Variants in DSCAM observed in about 807,000 individuals in gnomAD.
The protein encoded by DSCAM is cell adhesion molecule DSCAM.
A neutral mutation model predicts 217.7 loss-of-function variants in DSCAM; 47 were observed. The ratio of observed to expected loss-of-function variants is 0.22; its 90% CI spans 0.17 to 0.28. The LOEUF (loss-of-function observed/expected upper bound fraction) is 0.28. Among genes scored for constraint, DSCAM ranks in the 10% least tolerant of loss-of-function variants. The pLI, the probability that DSCAM is intolerant of heterozygous loss-of-function variation, is 1.00. For synonymous variants in DSCAM, 1,056 were observed against 1,015.3 expected, an observed-to-expected ratio of 1.04 and a Z score of -0.76; for missense variants, 2,080 against 2,618.3, an observed-to-expected ratio of 0.79 and a Z score of 4.49.
chr21:40,549,891 T>G (rs776074570), intron 3 of DSCAM, among the ~76,000 whole-genome samples: 12 of 152,168 alleles, frequency 7.9e-5, no homozygotes, highest in Non-Finnish European at 1.3e-4. Flanking sequence ...GCTGGCTAAG[T>G]CAACAGGTTG....
chr21:40,499,972 G>C (rs776411800), intron 3 of DSCAM, among the ~76,000 whole-genome samples: 30 of 152,108 alleles, frequency 2.0e-4, no homozygotes, highest in Non-Finnish European at 3.2e-4. Context: ...GTAGAGACAG[G>C]GTTTCACCAT....
intron 11 of DSCAM, among the ~76,000 whole-genome samples, chr21:40,193,033 CT>C (rs1481708781): frequency 6.6e-6 from 1 of 152,166 alleles, no homozygotes; most frequent in Non-Finnish European, 1.5e-5. Context: ...CCATTTTGCA[CT>C]CTTGTGGCCG....
At position 40,657,816 on chromosome 21, in the gene DSCAM, T is replaced by C. The variant is rs765024796; in HGVS notation, c.508+34994A>G. On this transcript the variant is annotated intron_variant, in intron 3 of 32. Transcript: ENST00000400454. The stretch of plus-strand genomic sequence containing the variant: ...ATACCGATGAATAACTATTAGTACC[T>C]GAGGGTGGGGGAGGCATACCAGGGA... Among the ~76,000 whole-genome samples the C allele has an allele frequency of 6.8e-4, 103 of 152,232 alleles. 1 individual carries two copies. The highest frequency in any genetic ancestry group is 1.3e-3 in the Non-Finnish European group (86 of 68,014).
chr21:40,591,897 G>T (rs2076987114), intron 3 of DSCAM, among the ~76,000 whole-genome samples: 1 of 152,180 alleles, frequency 6.6e-6, no homozygotes, highest in South Asian at 2.1e-4. Context: ...ATGTGTCATA[G>T]AAACTACATT....
chr21:40,548,817 T>C (rs2076605744), intron 3 of DSCAM, among the ~76,000 whole-genome samples: 2 of 152,310 alleles, frequency 1.3e-5, no homozygotes, highest in African/African-American at 4.8e-5. Flanking sequence ...CAAATTAACA[T>C]GTCAATAGTA....
intron 3 of DSCAM, among the ~76,000 whole-genome samples, chr21:40,518,678 G>GTA (rs1393451365): frequency 5.2e-5 from 7 of 134,794 alleles, no homozygotes; most frequent in African/African-American, 1.2e-4. Flanking sequence ...GTATGTGTGT[G>GTA]TATGTATATA....
chr21:40,786,324 G>A (rs904137814), intron 1 of DSCAM, among the ~76,000 whole-genome samples: 4 of 151,684 alleles, frequency 2.6e-5, no homozygotes, highest in South Asian at 2.1e-4. Context: ...GAGAAAGAAA[G>A]GAAGAAAGGA....
At chr21:40,637,586 C>G (rs866788755) in intron 3 of DSCAM, among the ~76,000 whole-genome samples, 1 of 45,736 alleles carries the variant, frequency 2.2e-5, no homozygotes, top group Non-Finnish European at 3.9e-5. Context: ...TAAATATATA[C>G]ATATATAAAT....
In DSCAM at chr21:40,042,469, G is replaced by A; in HGVS notation, c.5588C>T (p.Pro1863Leu). The change falls in exon 32 of 33, where the codon CCT becomes CTT. Residue 1863 changes from proline (P) to leucine (L), a missense_variant. Transcript: ENST00000400454. Reference sequence around the variant, plus strand: ...GAACCTGCAGATTCCCGATTCGGAAGGGGTGCTGGAGGTCAGACTGTCCGT... The same window carrying A: ...GAACCTGCAGATTCCCGATTCGGAAAGGGTGCTGGAGGTCAGACTGTCCGT... Reference protein sequence around the residue: ...EYTDSLTSSTPSESGICRFTA... With the variant: ...EYTDSLTSSTLSESGICRFTA... 6.2e-7 allele frequency: 1 copy of A among 1,614,230 alleles called. No individual in the cohort carries two copies. Among genetic ancestry groups the A allele is most frequent in the Non-Finnish European group, 8.5e-7 (1 of 1,180,040 alleles).
intron 32 of DSCAM, among the ~76,000 whole-genome samples, chr21:40,030,474 G>A (rs892579968): frequency 2.6e-5 from 4 of 152,194 alleles, no homozygotes; most frequent in Non-Finnish European, 5.9e-5. Context: ...TGATGGGATG[G>A]AAGGAGCCCT....
chr21:40,674,334 T>C (rs1344556123), intron 3 of DSCAM, among the ~76,000 whole-genome samples: 2 of 152,224 alleles, frequency 1.3e-5, no homozygotes, highest in Admixed American at 6.5e-5. Context: ...TTTTAAAATA[T>C]GACATTTATA....
At chr21:40,117,313 C>T (rs971906126) in intron 20 of DSCAM, among the ~76,000 whole-genome samples, 6 of 152,086 alleles carry the variant, frequency 3.9e-5, no homozygotes, top group African/African-American at 4.8e-5. Context: ...CTAACAATAA[C>T]GCAAGAGATT....
Position 40,312,510 on chromosome 21 carries a change from T to A in DSCAM, c.1784-151A>T, listed in dbSNP as rs571823100. 7.6e-5 allele frequency: 69 copies of A among 907,672 alleles called. 2 individuals are homozygous for A. In the East Asian group the frequency reaches 1.1e-3, roughly 14 times the overall value. 56.2% of individuals were successfully genotyped at this position (907,672 alleles called of 1,614,324 possible). ...TGTAGCAAATTTGAAATTCTGCTTCTATTATTTGAATGTTCTCATCATTTT... is the reference window on the plus strand; with the variant it reads ...TGTAGCAAATTTGAAATTCTGCTTCAATTATTTGAATGTTCTCATCATTTT... On this transcript the variant is annotated intron_variant, in intron 8 of 32. Coordinates refer to ENST00000400454, the MANE Select transcript of DSCAM (RefSeq NM_001389.5).
At chr21:40,534,367 G>C (rs1241847093) in intron 3 of DSCAM, among the ~76,000 whole-genome samples, 7 of 152,200 alleles carry the variant, frequency 4.6e-5, no homozygotes. Flanking sequence ...AATGTCATTT[G>C]TGACAGTTCA....
chr21:40,044,738 G>C (rs73221339), intron 30 of DSCAM, among the ~76,000 whole-genome samples: 9 of 152,294 alleles, frequency 5.9e-5, no homozygotes, highest in South Asian at 4.2e-4. Flanking sequence ...GCAATTAAAT[G>C]GATGATAGTA....
chr21:40,737,713 C>T (rs2091079130), intron 1 of DSCAM, among the ~76,000 whole-genome samples: 1 of 152,152 alleles, frequency 6.6e-6, no homozygotes. Context: ...TGACACTAAG[C>T]CACAGGGAGA....
At chr21:40,730,474 G>A (rs2091000742) in intron 1 of DSCAM, among the ~76,000 whole-genome samples, 1 of 152,338 alleles carries the variant, frequency 6.6e-6, no homozygotes, top group Middle Eastern at 3.4e-3. Flanking sequence ...AAGAGAGAGT[G>A]TGAAGACCGT....
At chr21:40,629,076 GGTGTGTGT>G (rs57351838) in intron 3 of DSCAM, among the ~76,000 whole-genome samples, 4,009 of 144,298 alleles carry the variant, frequency 0.028, 89 homozygotes, top group African/African-American at 0.065. Flanking sequence ...GTGTGTGTGT[GGTGTGTGT>G]GTGTGTGTGT....
intron 3 of DSCAM, among the ~76,000 whole-genome samples, chr21:40,460,184 A>G (rs1251827624): frequency 6.6e-6 from 1 of 152,112 alleles, no homozygotes; most frequent in Non-Finnish European, 1.5e-5. Context: ...TGGGCTTAAT[A>G]CCTAGGTAAT....
Sources: allele counts gnomAD v4.1 joint callset (sites outside exome capture counted in the v4.1 genomes callset), GRCh38; gene constraint gnomAD v4.1.1; transcripts MANE v1.5; gene names NCBI Gene and HGNC (gene_info 2026-07-23, HGNC 2026-07-21).